PCDH11Y: variants seen among roughly 807,000 people sequenced by gnomAD.
PCDH11Y encodes protocadherin-11 Y-linked.
For missense variants in PCDH11Y, 12 were observed against 224.8 expected (o/e 0.05, Z 6.05); for synonymous variants, 9 against 83.6 (o/e 0.11, Z 4.87).
chrY:5,172,672 G>C, intron 2 of PCDH11Y, among the ~76,000 whole-genome samples: 1 of 32,124 alleles, frequency 3.1e-5, no homozygotes, highest in Non-Finnish European at 7.6e-5. Flanking sequence ...AAAGTGCATG[G>C]AGGGAGCAGT....
chrY:5,657,478 A>G (rs2053537579), intron 4 of PCDH11Y, among the ~76,000 whole-genome samples: 15 of 34,206 alleles, frequency 4.4e-4, no homozygotes, highest in African/African-American at 1.6e-3. Flanking sequence ...GTGTGTATCT[A>G]TATCGGAGAA....
chrY:5,592,237 GTTC>G (rs2053463130), intron 4 of PCDH11Y, among the ~76,000 whole-genome samples: 3 of 33,353 alleles, frequency 9.0e-5, no homozygotes, highest in Non-Finnish European at 1.5e-4. Flanking sequence ...AGGACAGTAA[GTTC>G]TTCTTGTTGA....
intron 2 of PCDH11Y, among the ~76,000 whole-genome samples, chrY:5,175,344 T>G: frequency 3.1e-5 from 1 of 31,975 alleles, no homozygotes; most frequent in African/African-American, 1.2e-4. Flanking sequence ...TGATGATTCT[T>G]AGGTAAGGAT....
At chrY:5,425,617 G>A in intron 2 of PCDH11Y, among the ~76,000 whole-genome samples, 1 of 32,796 alleles carries the variant, frequency 3.0e-5, no homozygotes, top group African/African-American at 1.2e-4. Context: ...AATTGTCAGT[G>A]TTAGATTCTA....
chrY:5,573,266 G>A, intron 3 of PCDH11Y: 4 of 362,310 alleles, frequency 1.1e-5, no homozygotes, highest in Non-Finnish European at 1.6e-5. Context: ...GGCGCCGGGG[G>A]CTCTGGTTCC....
chrY:5,032,749 A>G (rs1389603221), intron 3 of PCDH11Y: 1 of 359,286 alleles, frequency 2.8e-6, no homozygotes, highest in Admixed American at 8.2e-5. Flanking sequence ...TATATATTAA[A>G]TATCATATAC....
intron 4 of PCDH11Y, among the ~76,000 whole-genome samples, chrY:5,677,988 T>C: frequency 6.0e-5 from 2 of 33,297 alleles, no homozygotes; most frequent in African/African-American, 2.3e-4. Flanking sequence ...TAATTATAGA[T>C]AGTTTCAGAA....
intron 2 of PCDH11Y, among the ~76,000 whole-genome samples, chrY:5,382,720 A>C: frequency 3.0e-5 from 1 of 33,655 alleles, no homozygotes; most frequent in African/African-American, 1.2e-4. Flanking sequence ...TGCTTTCATC[A>C]TCAAGATTTT....
intron 2 of PCDH11Y, among the ~76,000 whole-genome samples, chrY:5,113,364 T>C (rs2052804498): frequency 2.9e-5 from 1 of 34,629 alleles, no homozygotes; most frequent in African/African-American, 1.1e-4. Context: ...TCGTGCGTTT[T>C]ATTGTATTAA....
At chrY:5,675,042 A>G in intron 4 of PCDH11Y, among the ~76,000 whole-genome samples, 1 of 33,917 alleles carries the variant, frequency 2.9e-5, no homozygotes, top group African/African-American at 1.2e-4. Context: ...GTATTAGCTC[A>G]TTCTCACACT....
chrY:5,054,585 C>T (rs2052658209), upstream of PCDH11Y, among the ~76,000 whole-genome samples: 1 of 25,653 alleles, frequency 3.9e-5, no homozygotes, highest in African/African-American at 1.5e-4. Flanking sequence ...ATGTGTAATA[C>T]CTAAGGGTAA....
At chrY:5,292,459 T>C in intron 2 of PCDH11Y, among the ~76,000 whole-genome samples, 1 of 33,166 alleles carries the variant, frequency 3.0e-5, no homozygotes, top group Non-Finnish European at 7.4e-5. Context: ...GGTTTGGGAT[T>C]TCTTCATGAT....
intron 2 of PCDH11Y, among the ~76,000 whole-genome samples, chrY:5,270,106 G>A: frequency 9.7e-5 from 3 of 31,069 alleles, no homozygotes; most frequent in Non-Finnish European, 2.3e-4. Flanking sequence ...TCGGGTTAAT[G>A]TAGGAAACAG....
At chrY:5,417,501 G>T (rs2053254108) in intron 2 of PCDH11Y, among the ~76,000 whole-genome samples, 1 of 32,864 alleles carries the variant, frequency 3.0e-5, no homozygotes, top group East Asian at 8.0e-4. Context: ...CATAGAAGAG[G>T]AAGAAGATAA....
At chrY:5,404,616 G>C in intron 2 of PCDH11Y, among the ~76,000 whole-genome samples, 1 of 32,768 alleles carries the variant, frequency 3.1e-5, no homozygotes, top group East Asian at 8.1e-4. Context: ...CATCGTTAAA[G>C]CCATTCAATG....
chrY:5,651,500 T>C, intron 4 of PCDH11Y, among the ~76,000 whole-genome samples: 1 of 33,219 alleles, frequency 3.0e-5, no homozygotes, highest in African/African-American at 1.2e-4. Flanking sequence ...ATGATATCTT[T>C]ATTATTCAAA....
intron 2 of PCDH11Y, among the ~76,000 whole-genome samples, chrY:5,197,718 C>T: frequency 4.6e-5 from 1 of 21,685 alleles, no homozygotes; most frequent in Non-Finnish European, 1.0e-4. Context: ...TCTCAGTAAA[C>T]TATCGCAAGA....
At chrY:5,530,402 A>G (rs2053391634) in intron 3 of PCDH11Y, among the ~76,000 whole-genome samples, 1 of 33,816 alleles carries the variant, frequency 3.0e-5, no homozygotes, top group Non-Finnish European at 7.4e-5. Flanking sequence ...TACATTTTAT[A>G]TGAGTAGACA....
At chrY:5,526,015 A>T in intron 3 of PCDH11Y, among the ~76,000 whole-genome samples, 2 of 32,317 alleles carry the variant, frequency 6.2e-5, no homozygotes, top group Admixed American at 5.7e-4. Flanking sequence ...TCATTCTAAG[A>T]TAAGCAGCTA....
Sources: gnomAD v4.1 joint callset for allele counts (sites outside exome capture counted in the v4.1 genomes callset) on GRCh38, gnomAD v4.1.1 for gene constraint, MANE v1.5 for transcripts, NCBI Gene and HGNC (gene_info 2026-07-23, HGNC 2026-07-21) for gene names.